DAAM1: variants seen among roughly 807,000 people sequenced by gnomAD.
The protein encoded by DAAM1 is dishevelled associated activator of morphogenesis 1, also known as disheveled-associated activator of morphogenesis 1.
A neutral mutation model predicts 130.0 loss-of-function variants in DAAM1; 52 were observed. The ratio of observed to expected loss-of-function variants is 0.40; its 90% CI spans 0.32 to 0.50. The LOEUF is 0.50. Ranked by LOEUF, DAAM1 falls within the 20% of genes least tolerant of loss-of-function variation. The probability of loss-of-function intolerance (pLI) is 0.61; values close to 1 mark genes in which losing one functional copy is unlikely to be tolerated. For missense variants in DAAM1, 1,134 were observed against 1,303.8 expected (o/e 0.87, Z 2.01); for synonymous variants, 452 against 444.5 (o/e 1.02, Z -0.21).
At chr14:59,195,133 T>C (rs1403436443) in intron 1 of DAAM1, among the ~76,000 whole-genome samples, 1 of 146,526 alleles carries the variant, frequency 6.8e-6, no homozygotes, top group Non-Finnish European at 1.5e-5. Context: ...ATCATTCATC[T>C]TGTTATACTT....
rs563021056 is a variant in DAAM1 at position 59,307,791 on chromosome 14, A to C, written c.274-7489A>C. ...GATAGCAAAAGTCATCTGGAGGTGTAAAAAACAATGCTCTAAAGGGACTTA... is the reference window on the plus strand; with the variant it reads ...GATAGCAAAAGTCATCTGGAGGTGTCAAAAACAATGCTCTAAAGGGACTTA... On this transcript the variant is annotated intron_variant, in intron 3 of 24. Transcript: ENST00000360909. 1.1e-4 allele frequency among the ~76,000 whole-genome samples: 16 copies of C among 152,306 alleles called. No individual in the cohort carries two copies. The South Asian group carries it at 3.3e-3, about 32-fold the overall frequency.
chr14:59,230,050 C>T (rs1889054826), intron 1 of DAAM1, among the ~76,000 whole-genome samples: 1 of 152,216 alleles, frequency 6.6e-6, no homozygotes, highest in Non-Finnish European at 1.5e-5. Context: ...TATTAACTCT[C>T]TTACCCTTGC....
chr14:59,226,538 G>A (rs1888948918), intron 1 of DAAM1, among the ~76,000 whole-genome samples: 1 of 152,130 alleles, frequency 6.6e-6, no homozygotes. Context: ...CAGGATTGGG[G>A]GTGGGATGGG....
chr14:59,336,844 C>T lies in DAAM1; in HGVS notation c.1969-3230C>T, dbSNP rs77900948. On this transcript the variant is annotated intron_variant, in intron 15 of 24. Coordinates refer to ENST00000360909, the MANE Select transcript of DAAM1 (RefSeq NM_001270520.2). ...AAGTACTGAGCTCATACATATGTGT[C>T]AGATACCTATGTGTCAGGTACTATA... 4.1e-3 allele frequency among the ~76,000 whole-genome samples: 617 copies of T among 152,214 alleles called. 5 individuals carry two copies. The highest frequency in any genetic ancestry group is 0.014 in the African/African-American group (571 of 41,544).
chr14:59,222,536 C>T (rs1360222258), intron 1 of DAAM1, among the ~76,000 whole-genome samples: 2 of 152,248 alleles, frequency 1.3e-5, no homozygotes, highest in South Asian at 2.1e-4. Context: ...TCAGCCTTGG[C>T]GAGTTGAAGT....
chr14:59,275,546 A>C (rs1158010242), intron 2 of DAAM1, among the ~76,000 whole-genome samples: 1 of 152,242 alleles, frequency 6.6e-6, no homozygotes, highest in Non-Finnish European at 1.5e-5. Flanking sequence ...CATGTTTAGA[A>C]AAAAGCTTAT....
At chr14:59,194,999 A>C (rs759515149) in intron 1 of DAAM1, among the ~76,000 whole-genome samples, 11 of 152,268 alleles carry the variant, frequency 7.2e-5, no homozygotes, top group Non-Finnish European at 1.5e-4. Flanking sequence ...TAGGAAAGCT[A>C]TGCCTTAACG....
intron 1 of DAAM1, among the ~76,000 whole-genome samples, chr14:59,192,817 G>A (rs1034768743): frequency 6.6e-6 from 1 of 152,230 alleles, no homozygotes; most frequent in East Asian, 1.9e-4. Context: ...ACTTTGGGAG[G>A]CCAAGTCGGG....
intron 1 of DAAM1, among the ~76,000 whole-genome samples, chr14:59,202,657 C>T (rs757929350): frequency 3.3e-5 from 5 of 152,194 alleles, no homozygotes; most frequent in Admixed American, 1.3e-4. Flanking sequence ...CTGTCTTCAG[C>T]TTCTGAAATA....
At position 59,358,871 on chromosome 14, in the gene DAAM1, A is replaced by G. The variant is rs553298232; in HGVS notation, c.2526-526A>G. Among the ~76,000 whole-genome samples, 18 of 151,288 alleles carry G rather than the reference A, an allele frequency of 1.2e-4. No individual in the cohort carries two copies. In the East Asian group the frequency reaches 3.3e-3, roughly 28 times the overall value. ...AAAAAAAGTATCAATAATTGTCATC[A>G]GTGAGTTGCTGCTCTGTACTTTAGA... is the stretch of plus-strand genomic sequence containing the variant. On this transcript the variant is annotated intron_variant, in intron 20 of 24. Coordinates refer to ENST00000360909, the MANE Select transcript of DAAM1 (RefSeq NM_001270520.2).
At chr14:59,318,177 G>A (rs1884864087) in intron 4 of DAAM1, among the ~76,000 whole-genome samples, 1 of 151,652 alleles carries the variant, frequency 6.6e-6, no homozygotes, top group Non-Finnish European at 1.5e-5. Context: ...CTTTATATGT[G>A]GTTTCTCCAT....
At chr14:59,277,392 T>G (rs1883017654) in intron 2 of DAAM1, among the ~76,000 whole-genome samples, 1 of 152,110 alleles carries the variant, frequency 6.6e-6, no homozygotes, top group African/African-American at 2.4e-5. Flanking sequence ...GAAGTGGGGC[T>G]TAATAATGCA....
intron 1 of DAAM1, among the ~76,000 whole-genome samples, chr14:59,248,111 G>A (rs72726348): frequency 0.042 from 6,452 of 152,238 alleles, 203 homozygotes; most frequent in Admixed American, 0.082. Flanking sequence ...ATTTAAAATA[G>A]AACTTTCCAT....
intron 19 of DAAM1, 32 bp from the exon 20 acceptor site, chr14:59,355,133 G>A (rs1886426628): frequency 1.3e-6 from 2 of 1,596,056 alleles, no homozygotes; most frequent in Admixed American, 1.8e-5. Context: ...GAAACACTTG[G>A]TAATCATGTT....
At chr14:59,191,644 C>T (rs1887732959) in intron 1 of DAAM1, among the ~76,000 whole-genome samples, 2 of 152,092 alleles carry the variant, frequency 1.3e-5, no homozygotes, top group Non-Finnish European at 1.5e-5. Context: ...TTTTAGAATA[C>T]ATTCACTCAC....
intron 2 of DAAM1, among the ~76,000 whole-genome samples, chr14:59,287,195 A>G (rs1018500299): frequency 2.0e-5 from 3 of 152,178 alleles, no homozygotes; most frequent in African/African-American, 7.2e-5. Context: ...GATCATCTCT[A>G]TAGATGCAGA....
At chr14:59,198,271 T>C (rs1362336399) in intron 1 of DAAM1, among the ~76,000 whole-genome samples, 1 of 149,578 alleles carries the variant, frequency 6.7e-6, no homozygotes, top group Non-Finnish European at 1.5e-5. Context: ...AGTGGTGCAA[T>C]CTTGGCTCAC....
intron 2 of DAAM1, among the ~76,000 whole-genome samples, chr14:59,277,733 G>A (rs1339952105): frequency 1.3e-5 from 2 of 152,008 alleles, no homozygotes; most frequent in Non-Finnish European, 2.9e-5. Flanking sequence ...TCTGACCAAT[G>A]AAAGGAGCTC....
chr14:59,330,392 T>C, intron 12 of DAAM1, 109 bp from the exon 13 acceptor site: 1 of 1,011,332 alleles, frequency 9.9e-7, no homozygotes, highest in Non-Finnish European at 1.4e-6. Context: ...ATTTACCTAA[T>C]AAAGATCCTC....
Sources: allele counts gnomAD v4.1 joint callset (sites outside exome capture counted in the v4.1 genomes callset), GRCh38; gene constraint gnomAD v4.1.1; transcripts MANE v1.5; gene names NCBI Gene and HGNC (gene_info 2026-07-23, HGNC 2026-07-21).